Variants in ARID1B observed in about 807,000 individuals in gnomAD.
ARID1B encodes the protein AT-rich interactive domain-containing protein 1B.
Under a neutral mutation model 212.3 loss-of-function variants are expected in ARID1B, and 30 were observed. The observed-to-expected ratio is 0.14, with a 90% CI of 0.11 to 0.19. ARID1B has a LOEUF of 0.19. ARID1B is among the 10% of genes least tolerant of loss of function. The pLI is 1.00. For synonymous variants in ARID1B, 1,402 were observed against 1,301.7 expected, an observed-to-expected ratio of 1.08 and a Z score of -1.66; for missense variants, 2,891 against 3,204.0, an observed-to-expected ratio of 0.90 and a Z score of 2.36.
chr6:156,778,292 A>ACAGCAGCAGCAGCAGCAG lies in ARID1B; in HGVS notation c.618_635dup (p.Gln209_Gln214dup), dbSNP rs587779744. 3.3e-6 allele frequency: 5 copies of ACAGCAGCAGCAGCAGCAG among 1,518,256 alleles called. No homozygotes were observed. The African/African-American group carries it at 4.7e-5, about 14-fold the overall frequency. 94.0% of individuals were successfully genotyped at this position (1,518,256 alleles called of 1,614,324 possible). On this transcript the variant is annotated inframe_insertion, in exon 1 of 20. Transcript: ENST00000636930. ...TCCAGCAGCAGCAGCAGCAGCAGCA[A>ACAGCAGCAGCAGCAGCAG]CAGCAGCAGCAGCAGCAGCAGCAAC...
chr6:156,812,857 C>G (rs1781646211), intron 1 of ARID1B, among the ~76,000 whole-genome samples: 2 of 144,506 alleles, frequency 1.4e-5, no homozygotes, highest in South Asian at 4.3e-4. Flanking sequence ...TCAAGCTCCA[C>G]TTTCATGTGG....
intron 4 of ARID1B, among the ~76,000 whole-genome samples, chr6:157,061,445 A>G (rs1023037888): frequency 4.6e-5 from 7 of 152,200 alleles, no homozygotes; most frequent in African/African-American, 9.6e-5. Context: ...AGAGAATGGA[A>G]CAGAAGAACC....
At chr6:156,940,562 T>G (rs1792592458) in intron 4 of ARID1B, 1 of 152,218 alleles carries the variant, frequency 6.6e-6, no homozygotes, top group African/African-American at 2.4e-5. Context: ...TGGAAAACTT[T>G]TATTACCAAG....
chr6:157,039,092 A>G (rs1781521969), intron 4 of ARID1B, among the ~76,000 whole-genome samples: 1 of 151,886 alleles, frequency 6.6e-6, no homozygotes, highest in Admixed American at 6.6e-5. Context: ...GCTGGTCTTG[A>G]ACTCCTCGCC....
At chr6:157,099,822 A>G (rs1314718058) in intron 5 of ARID1B, among the ~76,000 whole-genome samples, 2 of 152,200 alleles carry the variant, frequency 1.3e-5, no homozygotes, top group African/African-American at 4.8e-5. Flanking sequence ...TTTAGAATAA[A>G]GGTATATGGC....
chr6:157,138,747 A>G (rs1192220482), intron 7 of ARID1B, among the ~76,000 whole-genome samples: 1 of 152,192 alleles, frequency 6.6e-6, no homozygotes, highest in Non-Finnish European at 1.5e-5. Flanking sequence ...AGGTTGATGC[A>G]CTTGATAAGG....
chr6:156,925,521 A>G (rs1791145871), intron 3 of ARID1B, among the ~76,000 whole-genome samples: 1 of 152,160 alleles, frequency 6.6e-6, no homozygotes, highest in Admixed American at 6.5e-5. Context: ...AAAAAAGAAA[A>G]TTATAAAAAG....
In ARID1B at chr6:157,022,922, G is replaced by A. The variant is rs561869293; in HGVS notation, c.2248-61740G>A. The A allele has an allele frequency of 5.3e-5, 8 of 150,330 alleles. No individual in the cohort carries two copies. In the East Asian group the frequency reaches 1.4e-3, roughly 26 times the overall value. 9.3% of individuals were successfully genotyped at this position (150,330 alleles called of 1,614,324 possible). A position where few individuals can be genotyped will look rare whatever the true frequency, so the allele number is the denominator to read the frequency against. On this transcript the variant is annotated intron_variant, in intron 4 of 19. Transcript: ENST00000636930. ...TATTTTGAAATGTTTAAGAGAAATG[G>A]CCTTGAAGAGTTCTGAATATTAACA...
intron 4 of ARID1B, among the ~76,000 whole-genome samples, chr6:157,084,140 C>CA (rs1784810470): frequency 6.7e-6 from 1 of 149,076 alleles, no homozygotes; most frequent in Admixed American, 6.6e-5. Flanking sequence ...ATCACCTCCC[C>CA]CCCAAAAAAA....
intron 4 of ARID1B, among the ~76,000 whole-genome samples, chr6:156,960,870 G>C (rs1383648080): frequency 3.9e-5 from 6 of 152,094 alleles, no homozygotes; most frequent in African/African-American, 4.8e-5. Flanking sequence ...ATTATTCCCT[G>C]TGCATTTTAT....
At position 156,818,124 on chromosome 6, in the gene ARID1B, T is replaced by C. The variant is rs200247596; in HGVS notation, c.1792-11103T>C. ...TTTTTTTTTTTTTTTTTTTTTTTTT[T>C]AGAATATAAGATTTGACCATATATT... On this transcript the variant is annotated intron_variant, in intron 1 of 19. Coordinates refer to ENST00000636930, the MANE Select transcript of ARID1B (RefSeq NM_001374828.1). Among the ~76,000 whole-genome samples, 307 of 133,396 alleles carry C rather than the reference T, an allele frequency of 2.3e-3. 1 individual carries two copies. Among genetic ancestry groups the C allele is most frequent in the South Asian group, 5.7e-3 (21 of 3,702 alleles). 87.5% of individuals were successfully genotyped at this position (133,396 alleles called of 152,430 possible).
chr6:156,837,156 T>C lies in ARID1B; in HGVS notation c.1986+7735T>C, dbSNP rs945381483. Among the ~76,000 whole-genome samples, 3 of 152,246 alleles carry C rather than the reference T, an allele frequency of 2.0e-5. No homozygotes were observed. The South Asian group carries it at 6.2e-4, about 32-fold the overall frequency. ...AATTATTTTCTAATTCTTAATTTTA[T>C]TGTTTTTTAAATGAATGTATTCTCA... On this transcript the variant is annotated intron_variant, in intron 2 of 19. Transcript: ENST00000636930.
chr6:157,189,940 TGCA>T, intron 14 of ARID1B, 95 bp from the exon 15 acceptor site: 2 of 1,579,806 alleles, frequency 1.3e-6, no homozygotes, highest in African/African-American at 1.4e-5. Flanking sequence ...GAATGGTTTT[TGCA>T]TTTGCACATT....
intron 15 of ARID1B, among the ~76,000 whole-genome samples, chr6:157,192,481 C>T (rs1793451110): frequency 6.6e-6 from 1 of 152,180 alleles, no homozygotes; most frequent in Non-Finnish European, 1.5e-5. Flanking sequence ...AGTGGGGTTA[C>T]ATCAGAAGAA....
intron 4 of ARID1B, among the ~76,000 whole-genome samples, chr6:157,070,345 G>A (rs1783936384): frequency 6.6e-6 from 1 of 151,812 alleles, no homozygotes; most frequent in Non-Finnish European, 1.5e-5. Context: ...TGGAATTATT[G>A]TAAGTTTTGA....
At chr6:157,133,254 TTTTC>T (rs781673376) in intron 7 of ARID1B, 47 bp downstream of exon 7, 6 of 1,524,962 alleles carry the variant, frequency 3.9e-6, no homozygotes, top group Non-Finnish European at 5.3e-6. Flanking sequence ...GTTGTAGAAA[TTTTC>T]TTAATGTGCT....
chr6:157,205,236 A>G (rs1273647020), intron 19 of ARID1B: 3 of 152,224 alleles, frequency 2.0e-5, no homozygotes, highest in Non-Finnish European at 4.4e-5. Flanking sequence ...GACTTCTTAA[A>G]AATTGTTCCA....
At chr6:157,071,691 T>A (rs2128431756) in intron 4 of ARID1B, 1 of 152,328 alleles carries the variant, frequency 6.6e-6, no homozygotes, top group Non-Finnish European at 1.5e-5. Flanking sequence ...AGAATAACAA[T>A]TTATTTTAAA....
intron 4 of ARID1B, among the ~76,000 whole-genome samples, chr6:157,008,862 G>A (rs111649712): frequency 1.5e-4 from 23 of 152,220 alleles, no homozygotes; most frequent in African/African-American, 5.3e-4. Context: ...CTGGGAGCTG[G>A]CAGGTTTCAG....
Sources: allele counts gnomAD v4.1 joint callset (sites outside exome capture counted in the v4.1 genomes callset), GRCh38; gene constraint gnomAD v4.1.1; transcripts MANE v1.5; gene names NCBI Gene and HGNC (gene_info 2026-07-23, HGNC 2026-07-21).